PAQR5: variants seen among roughly 807,000 people sequenced by gnomAD.
PAQR5 encodes the protein progestin and adipoQ receptor family member 5.
In PAQR5, 20 loss-of-function variants were observed where a neutral mutation model predicts 34.5. The ratio of observed to expected loss-of-function variants is 0.58; its 90% CI spans 0.41 to 0.84. PAQR5 has a LOEUF of 0.84. Among genes scored for constraint, PAQR5 ranks in the 40% least tolerant of loss-of-function variants. The pLI, the probability that PAQR5 is intolerant of heterozygous loss-of-function variation, is 0.00. For missense variants in PAQR5, 378 were observed against 412.7 expected, an observed-to-expected ratio of 0.92 and a Z score of 0.73; for synonymous variants, 131 against 155.6, an observed-to-expected ratio of 0.84 and a Z score of 1.18.
chr15:69,306,712 AT>A (rs561367981), intron 1 of PAQR5, among the ~76,000 whole-genome samples: 1 of 151,926 alleles, frequency 6.6e-6, no homozygotes, highest in African/African-American at 2.4e-5. Context: ...CCATTTAACC[AT>A]TTTTTAAGTC....
intron 1 of PAQR5, among the ~76,000 whole-genome samples, chr15:69,301,480 G>A (rs559842983): frequency 3.9e-4 from 59 of 152,274 alleles, no homozygotes; most frequent in African/African-American, 1.3e-3. Context: ...ATTGGAATTG[G>A]AATTATTTGG....
At chr15:69,374,814 T>C (rs1355372527) in intron 3 of PAQR5, among the ~76,000 whole-genome samples, 1 of 152,196 alleles carries the variant, frequency 6.6e-6, no homozygotes, top group Non-Finnish European at 1.5e-5. Context: ...GCTTTCCCTG[T>C]CACCATGTCC....
intron 8 of PAQR5, among the ~76,000 whole-genome samples, chr15:69,403,313 T>C (rs2056692415): frequency 6.6e-6 from 1 of 152,224 alleles, no homozygotes; most frequent in Non-Finnish European, 1.5e-5. Flanking sequence ...ATATTTTCAG[T>C]AAATTCACCA....
Position 69,369,707 on chromosome 15 carries a change from A to C in PAQR5, c.51+9576A>C, listed in dbSNP as rs1377280639. ...TAGTAGGGGCATGGACCACAAACCT[A>C]TATGAAGACTAGCTGATGGTTATGA... is the stretch of plus-strand genomic sequence containing the variant. On this transcript the variant is annotated intron_variant, in intron 3 of 8. Transcript: ENST00000395407. Among the ~76,000 whole-genome samples, 4 of 151,610 alleles carry C rather than the reference A, an allele frequency of 2.6e-5. No homozygotes were observed. The East Asian group carries it at 7.8e-4, about 29-fold the overall frequency.
chr15:69,312,666 C>T (rs2053858610), intron 1 of PAQR5, among the ~76,000 whole-genome samples: 2 of 151,610 alleles, frequency 1.3e-5, no homozygotes, highest in Non-Finnish European at 1.5e-5. Context: ...CTGCCCATAC[C>T]TGGTGACTGC....
rs562251666 is a variant in PAQR5, at chr15:69,346,443, C to T, written c.-116+8942C>T. 2.0e-5 allele frequency among the ~76,000 whole-genome samples: 3 copies of T among 151,236 alleles called. No individual in the cohort carries two copies. In the South Asian group the frequency reaches 6.3e-4, roughly 32 times the overall value. ...GCCTTAGCCTCCCAAGTAGCTGGGA[C>T]CACAGGCACATGCCACCGTGCCCAG... On this transcript the variant is annotated intron_variant, in intron 2 of 8. Coordinates refer to ENST00000395407, the MANE Select transcript of PAQR5 (RefSeq NM_017705.4).
intron 1 of PAQR5, among the ~76,000 whole-genome samples, chr15:69,325,585 CTGAATGAA>C (rs67697746): frequency 0.53 from 79,894 of 150,160 alleles, 22,174 homozygotes; most frequent in Middle Eastern, 0.65. Context: ...GAAATGTGTG[CTGAATGAA>C]TGAATGAATG....
chr15:69,400,151 C>T, intron 8 of PAQR5, 36 bp downstream of exon 8: 1 of 1,590,574 alleles, frequency 6.3e-7, no homozygotes, highest in Admixed American at 1.8e-5. Flanking sequence ...CTGCTCATTG[C>T]CCTCCTGACT....
chr15:69,357,241 A>T (rs1205782060), intron 2 of PAQR5, among the ~76,000 whole-genome samples: 3 of 122,506 alleles, frequency 2.4e-5, no homozygotes, highest in African/African-American at 9.0e-5. Context: ...TTTATAAATT[A>T]CCCAGTCTCA....
At chr15:69,378,393 C>T (rs1288628352) in intron 3 of PAQR5, among the ~76,000 whole-genome samples, 1 of 129,556 alleles carries the variant, frequency 7.7e-6, no homozygotes, top group Non-Finnish European at 1.6e-5. Flanking sequence ...GCCATGATTG[C>T]ACCACTGTAC....
intron 3 of PAQR5, among the ~76,000 whole-genome samples, chr15:69,368,998 C>T (rs2140880576): frequency 6.6e-6 from 1 of 152,292 alleles, no homozygotes; most frequent in South Asian, 2.1e-4. Flanking sequence ...TCTTAAACTC[C>T]TGGGCTCAAG....
chr15:69,390,360 A>ATTTAT (rs1555423101), intron 6 of PAQR5, among the ~76,000 whole-genome samples: 1 of 135,840 alleles, frequency 7.4e-6, no homozygotes, highest in African/African-American at 2.7e-5. Context: ...TTATTTATTT[A>ATTTAT]TTTTTTTGAG....
intron 2 of PAQR5, among the ~76,000 whole-genome samples, chr15:69,338,164 C>T (rs11635934): frequency 0.79 from 120,382 of 152,134 alleles, 50,931 homozygotes; most frequent in Non-Finnish European, 0.95. Flanking sequence ...GGTACCCAGA[C>T]GGATGCATGT....
chr15:69,310,435 A>T (rs904114055), intron 1 of PAQR5, among the ~76,000 whole-genome samples: 10 of 152,238 alleles, frequency 6.6e-5, no homozygotes, highest in Admixed American at 6.5e-4. Flanking sequence ...ATATTTGCCA[A>T]TCTGGAAGAC....
chr15:69,363,127 TG>T (rs2055285530), intron 3 of PAQR5, among the ~76,000 whole-genome samples: 4 of 152,214 alleles, frequency 2.6e-5, no homozygotes, highest in Admixed American at 6.5e-5. Flanking sequence ...CTATGTGACC[TG>T]GGCCACTTCA....
chr15:69,334,468 T>TC (rs2140688980), intron 1 of PAQR5, among the ~76,000 whole-genome samples: 1 of 152,358 alleles, frequency 6.6e-6, no homozygotes, highest in Admixed American at 6.5e-5. Context: ...TGAGAATTGT[T>TC]CAATTTCCCT....
intron 5 of PAQR5, among the ~76,000 whole-genome samples, chr15:69,387,915 A>C (rs893001171): frequency 3.7e-5 from 4 of 109,408 alleles, no homozygotes; most frequent in Non-Finnish European, 3.9e-5. Flanking sequence ...ATATACCCCC[A>C]CCATGATTCT....
intron 1 of PAQR5, among the ~76,000 whole-genome samples, chr15:69,315,845 C>T (rs926517376): frequency 1.3e-5 from 2 of 152,154 alleles, no homozygotes; most frequent in Admixed American, 1.3e-4. Context: ...TAAGAATCTT[C>T]CCCTCCAGCC....
intron 1 of PAQR5, among the ~76,000 whole-genome samples, chr15:69,308,401 G>T (rs896119558): frequency 2.0e-5 from 3 of 152,158 alleles, no homozygotes; most frequent in Non-Finnish European, 4.4e-5. Context: ...GTATCATGGG[G>T]ACATGACAGG....
Sources: gnomAD v4.1 joint callset for allele counts (sites outside exome capture counted in the v4.1 genomes callset) on GRCh38, gnomAD v4.1.1 for gene constraint, MANE v1.5 for transcripts, NCBI Gene and HGNC (gene_info 2026-07-23, HGNC 2026-07-21) for gene names.